CNTNAP5: variants seen among roughly 807,000 people sequenced by gnomAD.
The protein encoded by CNTNAP5 is contactin associated protein family member 5.
CNTNAP5 carries 72 observed loss-of-function variants against 150.2 expected under a neutral mutation model. The observed-to-expected ratio is 0.48, with a 90% confidence interval of 0.40 to 0.58. The LOEUF (loss-of-function observed/expected upper bound fraction) is 0.58, where lower values mean the gene tolerates loss of function less well. Ranked by LOEUF, CNTNAP5 falls within the 20% of genes least tolerant of loss-of-function variation. The probability of loss-of-function intolerance (pLI) is 0.00; values close to 1 mark genes in which losing one functional copy is unlikely to be tolerated. For synonymous variants in CNTNAP5, 672 were observed against 619.8 expected (o/e 1.08, Z -1.25); for missense variants, 1,636 against 1,626.2 (o/e 1.01, Z -0.10).
rs574825957 is a variant in CNTNAP5 at position 124,567,280 on chromosome 2, G to C, written c.1756+3957G>C. On this transcript the variant is annotated intron_variant, in intron 11 of 23. Coordinates refer to ENST00000682447, the MANE Select transcript of CNTNAP5 (RefSeq NM_001367498.1). ...AAGCGTGTAGACACAGCATGCTGCTGTCGAAAGTAGAGATATCTTCAGTCC... is the reference window on the plus strand; with the variant it reads ...AAGCGTGTAGACACAGCATGCTGCTCTCGAAAGTAGAGATATCTTCAGTCC... Among the ~76,000 whole-genome samples, 4 of 152,314 alleles carry C rather than the reference G, an allele frequency of 2.6e-5. No homozygotes were observed. The South Asian group carries it at 6.2e-4, about 24-fold the overall frequency.
At chr2:124,306,411 C>A (rs929374562) in intron 3 of CNTNAP5, among the ~76,000 whole-genome samples, 6 of 152,106 alleles carry the variant, frequency 3.9e-5, no homozygotes, top group African/African-American at 1.4e-4. Context: ...TCTTTCCCCC[C>A]CAAATAAGTC....
At chr2:124,670,098 T>TTGCC (rs2105055811) in intron 13 of CNTNAP5, among the ~76,000 whole-genome samples, 2 of 151,202 alleles carry the variant, frequency 1.3e-5, no homozygotes, top group East Asian at 3.9e-4. Flanking sequence ...GTGCTGACAC[T>TTGCC]TGCCTGCCTG....
At chr2:124,624,549 A>C (rs751108557) in intron 12 of CNTNAP5, among the ~76,000 whole-genome samples, 1 of 152,178 alleles carries the variant, frequency 6.6e-6, no homozygotes, top group African/African-American at 2.4e-5. Flanking sequence ...CACTCTGTCA[A>C]TTATTCAGTT....
chr2:124,632,874 A>C (rs2105011172), intron 12 of CNTNAP5, among the ~76,000 whole-genome samples: 1 of 152,260 alleles, frequency 6.6e-6, no homozygotes, highest in African/African-American at 2.4e-5. Flanking sequence ...AAGCAGAAGC[A>C]GGCATGTCTT....
At chr2:124,743,626 G>A (rs1028893401) in intron 13 of CNTNAP5, among the ~76,000 whole-genome samples, 1 of 152,148 alleles carries the variant, frequency 6.6e-6, no homozygotes, top group African/African-American at 2.4e-5. Context: ...TTCAGCATTC[G>A]GGGGCAGCCA....
At chr2:124,776,116 T>G (rs1681316673) in intron 17 of CNTNAP5, among the ~76,000 whole-genome samples, 1 of 152,194 alleles carries the variant, frequency 6.6e-6, no homozygotes, top group African/African-American at 2.4e-5. Flanking sequence ...CCTACAGTCA[T>G]GCCCATGTGT....
At chr2:124,905,591 A>C (rs1192731519) in intron 22 of CNTNAP5, among the ~76,000 whole-genome samples, 3 of 152,152 alleles carry the variant, frequency 2.0e-5, no homozygotes, top group Admixed American at 2.0e-4. Context: ...CAGGTATGAT[A>C]AGGTGACAGG....
intron 1 of CNTNAP5, among the ~76,000 whole-genome samples, chr2:124,106,140 G>A (rs1022578366): frequency 1.3e-5 from 2 of 152,104 alleles, no homozygotes; most frequent in African/African-American, 4.8e-5. Context: ...AAGTGCAAGA[G>A]GTGGGGAAGT....
At chr2:124,515,125 G>A (rs1694679510) in intron 8 of CNTNAP5, among the ~76,000 whole-genome samples, 1 of 152,190 alleles carries the variant, frequency 6.6e-6, no homozygotes, top group South Asian at 2.1e-4. Context: ...TATGAGCCAG[G>A]CATTAAACGA....
intron 10 of CNTNAP5, among the ~76,000 whole-genome samples, chr2:124,529,251 A>G (rs1695050502): frequency 6.6e-6 from 1 of 152,164 alleles, no homozygotes; most frequent in Non-Finnish European, 1.5e-5. Context: ...AGCCTCTTCC[A>G]AAGTGTTGAT....
At chr2:124,755,542 G>A (rs552530962) in intron 14 of CNTNAP5, among the ~76,000 whole-genome samples, 1 of 152,240 alleles carries the variant, frequency 6.6e-6, no homozygotes, top group East Asian at 1.9e-4. Flanking sequence ...CTGACAGAAT[G>A]GGAAGCTGGT....
intron 1 of CNTNAP5, among the ~76,000 whole-genome samples, chr2:124,157,442 T>A (rs1382255743): frequency 7.8e-6 from 1 of 127,420 alleles, no homozygotes; most frequent in African/African-American, 2.6e-5. Flanking sequence ...AAGGCAAACT[T>A]TGACTTTTCG....
chr2:124,429,915 C>A (rs1573989926), intron 4 of CNTNAP5, among the ~76,000 whole-genome samples: 1 of 152,266 alleles, frequency 6.6e-6, no homozygotes, highest in East Asian at 1.9e-4. Context: ...GCTCATTTCA[C>A]AGGTGGTTCT....
At chr2:124,711,965 G>C (rs1679817600) in intron 13 of CNTNAP5, among the ~76,000 whole-genome samples, 1 of 152,274 alleles carries the variant, frequency 6.6e-6, no homozygotes, top group African/African-American at 2.4e-5. Context: ...GACACGTGCA[G>C]AAGATCCAGC....
At position 124,916,886 on chromosome 2, in the gene CNTNAP5, A is replaced by G. The variant is rs1678780114; in HGVS notation, c.*2598A>G. On this transcript the variant is annotated 3_prime_UTR_variant, in exon 24 of 24. Transcript: ENST00000682447. ...TTTTACAGGGTTGAATTATTTCATA[A>G]CCCCAGAGAACACTAACTTTCACTA... Among the ~76,000 whole-genome samples the G allele has an allele frequency of 6.6e-6, 1 of 152,006 alleles. No individual in the cohort carries two copies.
intron 8 of CNTNAP5, among the ~76,000 whole-genome samples, chr2:124,518,227 C>G (rs1694774899): frequency 6.6e-6 from 1 of 152,128 alleles, no homozygotes; most frequent in Non-Finnish European, 1.5e-5. Context: ...CTATAAAGGG[C>G]TGTGGAGATC....
chr2:124,595,924 G>A (rs1217834379), intron 11 of CNTNAP5, among the ~76,000 whole-genome samples: 44 of 101,926 alleles, frequency 4.3e-4, no homozygotes, highest in African/African-American at 1.1e-3. Context: ...GTTTATTTGC[G>A]TAGAGGTGTT....
chr2:124,370,376 G>A (rs1413594802), intron 3 of CNTNAP5, among the ~76,000 whole-genome samples: 1 of 152,070 alleles, frequency 6.6e-6, no homozygotes, highest in Non-Finnish European at 1.5e-5. Flanking sequence ...GGAAAAGCCG[G>A]TCATATACTT....
chr2:124,631,825 G>A (rs13390807), intron 12 of CNTNAP5, among the ~76,000 whole-genome samples: 14,407 of 152,142 alleles, frequency 0.095, 976 homozygotes, highest in African/African-American at 0.19. Flanking sequence ...TTTATCCATC[G>A]ACAAAGGTCT....
Sources: gnomAD v4.1 joint callset for allele counts (sites outside exome capture counted in the v4.1 genomes callset) on GRCh38, gnomAD v4.1.1 for gene constraint, MANE v1.5 for transcripts, NCBI Gene and HGNC (gene_info 2026-07-23, HGNC 2026-07-21) for gene names.